PCDH11X: variants seen among roughly 807,000 people sequenced by gnomAD.
The protein encoded by PCDH11X is protocadherin 11 X-linked, also known as protocadherin-11 X-linked.
In PCDH11X, 18 loss-of-function variants were observed where a neutral mutation model predicts 53.3. The observed-to-expected ratio is 0.34, with a 90% CI of 0.23 to 0.50. The LOEUF is 0.50. PCDH11X is among the 20% of genes least tolerant of loss of function. PCDH11X has a pLI of 0.98. For missense variants in PCDH11X, 570 were observed against 1,032.4 expected (o/e 0.55, Z 6.14); for synonymous variants, 279 against 393.3 (o/e 0.71, Z 3.44).
intron 10 of PCDH11X, among the ~76,000 whole-genome samples, chrX:92,585,047 G>A (rs967910594): frequency 9.1e-6 from 1 of 110,195 alleles, no homozygotes; most frequent in Non-Finnish European, 1.9e-5. Context: ...GGCATCTGCT[G>A]GGTTTCTGGG....
chrX:92,199,747 C>A (rs1365940511), intron 6 of PCDH11X, among the ~76,000 whole-genome samples: 1 of 111,076 alleles, frequency 9.0e-6, no homozygotes, highest in African/African-American at 3.3e-5. Context: ...TTGTACAAAA[C>A]AAAATAATTT....
intron 6 of PCDH11X, among the ~76,000 whole-genome samples, chrX:92,036,385 C>T (rs1055558422): frequency 4.6e-5 from 5 of 108,088 alleles, no homozygotes; most frequent in African/African-American, 1.0e-4. Flanking sequence ...GGGAGGAACG[C>T]GGTGGGAGGT....
chrX:92,415,717 C>T (rs1241025482), intron 9 of PCDH11X, among the ~76,000 whole-genome samples: 3 of 111,088 alleles, frequency 2.7e-5, no homozygotes, highest in Non-Finnish European at 5.7e-5. Flanking sequence ...TTTATAACTA[C>T]AACAAGAGAT....
chrX:92,339,849 C>T (rs5942213), intron 8 of PCDH11X, among the ~76,000 whole-genome samples: 25,575 of 108,291 alleles, frequency 0.24, 2,723 homozygotes, highest in Non-Finnish European at 0.32. Flanking sequence ...TCATGTCCTT[C>T]TCACATTGCA....
chrX:91,826,146 C>G (rs1427493424), intron 4 of PCDH11X, among the ~76,000 whole-genome samples: 1 of 111,399 alleles, frequency 9.0e-6, no homozygotes, highest in Non-Finnish European at 1.9e-5. Flanking sequence ...TGTATTAAGA[C>G]ACAGTTGAAA....
intron 6 of PCDH11X, among the ~76,000 whole-genome samples, chrX:92,189,875 G>A (rs774574801): frequency 8.9e-6 from 1 of 111,881 alleles, no homozygotes; most frequent in East Asian, 2.8e-4. Flanking sequence ...TATGAGAAGT[G>A]TCTTTTCATG....
intron 6 of PCDH11X, among the ~76,000 whole-genome samples, chrX:91,999,775 A>G (rs1206455034): frequency 1.8e-5 from 2 of 110,001 alleles, no homozygotes; most frequent in Non-Finnish European, 3.8e-5. Flanking sequence ...GTTTATTCCA[A>G]CAATCTAGCA....
intron 9 of PCDH11X, among the ~76,000 whole-genome samples, chrX:92,422,377 G>C (rs1243617730): frequency 9.1e-6 from 1 of 109,338 alleles, no homozygotes; most frequent in Non-Finnish European, 1.9e-5. Context: ...CATCCTCATA[G>C]CTTAGCTCCC....
intron 10 of PCDH11X, among the ~76,000 whole-genome samples, chrX:92,548,441 G>T (rs2074896050): frequency 8.9e-6 from 1 of 111,885 alleles, no homozygotes; most frequent in Non-Finnish European, 1.9e-5. Context: ...AAAGTGCTGG[G>T]ATTGCAGGCA....
At chrX:92,210,572 C>T in intron 7 of PCDH11X, among the ~76,000 whole-genome samples, 1 of 111,194 alleles carries the variant, frequency 9.0e-6, no homozygotes, top group East Asian at 2.8e-4. Context: ...TACCACATGG[C>T]TGGGCTGCAA....
chrX:91,815,611 T>A (rs775341930), intron 4 of PCDH11X, among the ~76,000 whole-genome samples: 58 of 108,582 alleles, frequency 5.3e-4, no homozygotes, highest in Admixed American at 3.9e-3. Flanking sequence ...GTAATGACTA[T>A]GTGAACAAAA....
At chrX:92,149,132 G>T (rs1368865646) in intron 6 of PCDH11X, among the ~76,000 whole-genome samples, 2 of 110,685 alleles carry the variant, frequency 1.8e-5, no homozygotes, top group Non-Finnish European at 3.8e-5. Flanking sequence ...ATAACTGTGG[G>T]TCTGAAAGTT....
intron 6 of PCDH11X, among the ~76,000 whole-genome samples, chrX:92,149,171 C>T (rs2148235705): frequency 9.1e-6 from 1 of 110,038 alleles, no homozygotes; most frequent in Non-Finnish European, 1.9e-5. Flanking sequence ...GTACTTTTCC[C>T]AATTCCAGTT....
intron 6 of PCDH11X, among the ~76,000 whole-genome samples, chrX:91,910,056 G>A (rs1350645404): frequency 9.0e-6 from 1 of 111,274 alleles, no homozygotes; most frequent in African/African-American, 3.3e-5. Context: ...GGCTTGCTGA[G>A]GGTCATTGTC....
intron 8 of PCDH11X, among the ~76,000 whole-genome samples, chrX:92,342,515 G>C (rs1311671082): frequency 9.0e-6 from 1 of 111,612 alleles, no homozygotes. Context: ...GGAATACTAC[G>C]AATCTGTGAA....
At chrX:92,136,267 A>G (rs951980312) in intron 6 of PCDH11X, among the ~76,000 whole-genome samples, 6 of 110,827 alleles carry the variant, frequency 5.4e-5, no homozygotes, top group African/African-American at 2.0e-4. Context: ...AGAAGGAGCA[A>G]AAATACAAAG....
chrX:92,012,539 TG>T (rs1389483688), intron 6 of PCDH11X, among the ~76,000 whole-genome samples: 1 of 111,778 alleles, frequency 8.9e-6, no homozygotes, highest in African/African-American at 3.3e-5. Context: ...TTGTTCTTCT[TG>T]CAAGTATAAA....
chrX:92,092,751 A>T (rs2064069645), intron 6 of PCDH11X, among the ~76,000 whole-genome samples: 1 of 111,777 alleles, frequency 8.9e-6, no homozygotes, highest in African/African-American at 3.2e-5. Context: ...TCCCAGCTTG[A>T]CATTTCCCTT....
intron 9 of PCDH11X, among the ~76,000 whole-genome samples, chrX:92,392,070 G>A (rs994828005): frequency 7.2e-5 from 8 of 110,490 alleles, no homozygotes; most frequent in African/African-American, 1.3e-4. Flanking sequence ...ATCATTTCAC[G>A]CATGAAGTCA....
Sources: gnomAD v4.1 joint callset for allele counts (sites outside exome capture counted in the v4.1 genomes callset) on GRCh38, gnomAD v4.1.1 for gene constraint, MANE v1.5 for transcripts, NCBI Gene and HGNC (gene_info 2026-07-23, HGNC 2026-07-21) for gene names.